The following STON1 variants were observed in gnomAD, a reference collection of about 807,000 sequenced individuals.
STON1 encodes the protein stonin-1.
In STON1, 79 loss-of-function variants were observed where a neutral mutation model predicts 60.9. The observed-to-expected ratio is 1.30, with a 90% CI of 1.08 to 1.56. The LOEUF (loss-of-function observed/expected upper bound fraction) is 1.56. Among genes scored for constraint, STON1 ranks in the 40% most tolerant of loss-of-function variants. The pLI is 0.00. For missense variants in STON1, 1,166 were observed against 858.9 expected, an observed-to-expected ratio of 1.36 and a Z score of -4.47; for synonymous variants, 363 against 306.9, an observed-to-expected ratio of 1.18 and a Z score of -1.91.
chr2:48,546,585 G>C (rs1387851648), intron 1 of STON1, among the ~76,000 whole-genome samples: 1 of 152,186 alleles, frequency 6.6e-6, no homozygotes, highest in African/African-American at 2.4e-5. Context: ...ATTTGTCTTT[G>C]TCACATGAAC....
intron 1 of STON1, among the ~76,000 whole-genome samples, chr2:48,543,926 A>G (rs1558574720): frequency 6.6e-6 from 1 of 152,154 alleles, no homozygotes; most frequent in Non-Finnish European, 1.5e-5. Flanking sequence ...CCCAGGAGGG[A>G]TCATGAAGTC....
chr2:48,534,110 T>C (rs1671332561), intron 1 of STON1, among the ~76,000 whole-genome samples: 1 of 152,196 alleles, frequency 6.6e-6, no homozygotes, highest in Non-Finnish European at 1.5e-5. Flanking sequence ...TGGAAAGCAC[T>C]ATAATTTTAC....
At chr2:48,583,163 A>G (rs1673998243) in intron 2 of STON1, among the ~76,000 whole-genome samples, 1 of 152,224 alleles carries the variant, frequency 6.6e-6, no homozygotes, top group Admixed American at 6.5e-5. Context: ...ATCACGGCTC[A>G]CTGCAGCCTC....
At chr2:48,552,723 T>C (rs1467641901) in intron 1 of STON1, among the ~76,000 whole-genome samples, 1 of 152,156 alleles carries the variant, frequency 6.6e-6, no homozygotes, top group African/African-American at 2.4e-5. Context: ...TGAGCTAAGA[T>C]GGCACCACTG....
chr2:48,586,831 G>A (rs1056521492), intron 2 of STON1, among the ~76,000 whole-genome samples: 1 of 152,146 alleles, frequency 6.6e-6, no homozygotes, highest in African/African-American at 2.4e-5. Context: ...AGGAGGTAAG[G>A]GTTGCTGAGC....
At chr2:48,540,515 C>G (rs1671610239) in intron 1 of STON1, among the ~76,000 whole-genome samples, 1 of 152,186 alleles carries the variant, frequency 6.6e-6, no homozygotes, top group Admixed American at 6.6e-5. Context: ...AGGGAGGTTC[C>G]TGGAGGATGG....
chr2:48,583,395 G>T (rs1452702447), intron 2 of STON1, among the ~76,000 whole-genome samples: 1 of 152,042 alleles, frequency 6.6e-6, no homozygotes, highest in Non-Finnish European at 1.5e-5. Context: ...GGCCTAAACT[G>T]GTTGTTTTAG....
At chr2:48,560,295 C>G (rs1672556844) in intron 1 of STON1, among the ~76,000 whole-genome samples, 1 of 152,202 alleles carries the variant, frequency 6.6e-6, no homozygotes, top group African/African-American at 2.4e-5. Flanking sequence ...CTTCAGCTAA[C>G]TTGATCTCGC....
intron 2 of STON1, among the ~76,000 whole-genome samples, chr2:48,584,037 C>A (rs931687569): frequency 6.6e-6 from 1 of 152,142 alleles, no homozygotes; most frequent in African/African-American, 2.4e-5. Flanking sequence ...GCTTGAGCCA[C>A]TGTGCCCGGC....
intron 2 of STON1, among the ~76,000 whole-genome samples, chr2:48,586,771 C>A (rs1264743101): frequency 6.6e-6 from 1 of 152,086 alleles, no homozygotes; most frequent in East Asian, 1.9e-4. Flanking sequence ...GGCTGGCATG[C>A]AGTGCAGAGG....
intron 1 of STON1, among the ~76,000 whole-genome samples, chr2:48,562,854 C>T (rs1347679192): frequency 1.3e-5 from 2 of 152,236 alleles, no homozygotes; most frequent in Admixed American, 1.3e-4. Flanking sequence ...CTGTGTCCAG[C>T]ACAGGGAAAG....
intron 2 of STON1, among the ~76,000 whole-genome samples, chr2:48,588,234 G>C (rs1674322997): frequency 6.6e-6 from 1 of 152,202 alleles, no homozygotes; most frequent in Non-Finnish European, 1.5e-5. Flanking sequence ...CAGGATCCCA[G>C]AATGCATCTC....
In STON1 at chr2:48,575,854, G is replaced by T. The variant is rs189825010; in HGVS notation, c.-47-4733G>T. ...ATTCACTGCAACATCTGCCTCCTGG[G>T]TTCAAGCAATTCTCCTGCCTCAGCC... On this transcript the variant is annotated intron_variant, in intron 1 of 3. Transcript: ENST00000404752. Among the ~76,000 whole-genome samples, 1,016 of 149,782 alleles carry T rather than the reference G, an allele frequency of 6.8e-3. 8 individuals carry two copies. The highest frequency in any genetic ancestry group is 0.024 in the African/African-American group (983 of 40,834).
At chr2:48,563,319 A>G (rs184878196) in intron 1 of STON1, among the ~76,000 whole-genome samples, 5 of 152,340 alleles carry the variant, frequency 3.3e-5, no homozygotes, top group African/African-American at 1.2e-4. Context: ...GAAAGCCCTC[A>G]CATGTTTGCC....
intron 1 of STON1, among the ~76,000 whole-genome samples, chr2:48,579,614 A>C (rs182378091): frequency 1.3e-5 from 2 of 152,134 alleles, no homozygotes; most frequent in Non-Finnish European, 2.9e-5. Flanking sequence ...CACATTTGTT[A>C]AGATTTGTTT....
chr2:48,593,448 A>G (rs1453594703), intron 3 of STON1, among the ~76,000 whole-genome samples: 1 of 152,214 alleles, frequency 6.6e-6, no homozygotes, highest in Admixed American at 6.5e-5. Flanking sequence ...TATTTCAAAA[A>G]TCACAAAAAT....
At position 48,580,649 on chromosome 2, in the gene STON1, C is replaced by A. The variant is rs1673821239; in HGVS notation, c.16C>A (p.Pro6Thr). Residue 6 changes from proline to threonine, a missense_variant, in exon 2 of 4, where the codon CCA becomes ACA. By Grantham distance (38) the Pro-to-Thr change is conservative. Transcript: ENST00000404752. The part of the protein sequence containing the change: MCSTN[P>T]GKWVTFDDDP... ...GATCCCAAAGATGTGCTCCACAAAT[C>A]CAGGCAAATGGGTCACCTTTGATGA... 1.5e-6 allele frequency: 2 copies of A among 1,370,760 alleles called. No individual in the cohort carries two copies. The highest frequency in any genetic ancestry group is 5.4e-5 in the East Asian group (2 of 36,826). The allele number at this position is 1,370,760 out of a possible 1,614,324, so 84.9% of individuals were successfully genotyped here. A position where few individuals can be genotyped will look rare whatever the true frequency, so the allele number is the denominator to read the frequency against.
chr2:48,538,747 G>C (rs1037139002), intron 1 of STON1, among the ~76,000 whole-genome samples: 1 of 143,134 alleles, frequency 7.0e-6, no homozygotes, highest in African/African-American at 2.6e-5. Context: ...ACAGGTGTGC[G>C]CCACCACACC....
chr2:48,580,986 G>T lies in STON1; in HGVS notation c.353G>T (p.Gly118Val), dbSNP rs72824125. ...SSSDSPLAIS[G>V]GESSLLPTRP... is the part of the protein sequence containing the mutation. ...TCAGACAGCCCACTCGCAATATCAG[G>T]AGGAGAATCTTCCTTACTGCCTACC... The change falls in exon 2 of 4, where the codon GGA (glycine) becomes GTA (valine). Residue 118 changes from glycine to valine, a missense_variant. By Grantham distance (109) the Gly-to-Val change is moderately radical. Coordinates refer to ENST00000404752, the MANE Select transcript of STON1 (RefSeq NM_006873.4). The T allele has an allele frequency of 4.9e-3, 7,646 of 1,575,930 alleles. 72 individuals are homozygous for T. Among genetic ancestry groups the T allele is most frequent in the South Asian group, 0.028 (2,283 of 82,798 alleles).
Sources: allele counts gnomAD v4.1 joint callset (sites outside exome capture counted in the v4.1 genomes callset), GRCh38; gene constraint gnomAD v4.1.1; transcripts MANE v1.5; gene names NCBI Gene and HGNC (gene_info 2026-07-23, HGNC 2026-07-21).